RPS6KA2: variants seen among roughly 807,000 people sequenced by gnomAD.
RPS6KA2 encodes ribosomal protein S6 kinase alpha-2.
In RPS6KA2, 42 loss-of-function variants were observed where a neutral mutation model predicts 91.8. That is an observed-to-expected ratio of 0.46 (90% CI 0.36 to 0.59). The LOEUF (loss-of-function observed/expected upper bound fraction) is 0.59, where lower values mean the gene tolerates loss of function less well. Ranked by LOEUF, RPS6KA2 falls within the 20% of genes least tolerant of loss-of-function variation. The pLI, the probability that RPS6KA2 is intolerant of heterozygous loss-of-function variation, is 0.00. For synonymous variants in RPS6KA2, 414 were observed against 393.6 expected, an observed-to-expected ratio of 1.05 and a Z score of -0.61; for missense variants, 798 against 978.5, an observed-to-expected ratio of 0.82 and a Z score of 2.46.
intron 10 of RPS6KA2, 104 bp from the exon 11 acceptor site, chr6:166,470,009 C>T (rs914500891): frequency 1.3e-5 from 13 of 1,039,762 alleles, no homozygotes; most frequent in Middle Eastern, 2.0e-4. Flanking sequence ...GAGGTGGGGC[C>T]GTGGGAAGGA....
chr6:166,513,317 G>C (rs1782534391), intron 3 of RPS6KA2, among the ~76,000 whole-genome samples: 1 of 152,158 alleles, frequency 6.6e-6, no homozygotes, highest in Non-Finnish European at 1.5e-5. Context: ...GGTCCTCGCA[G>C]TTCCTAATCC....
chr6:166,696,761 A>AC (rs2128573576), intron 2 of RPS6KA2, among the ~76,000 whole-genome samples: 1 of 152,288 alleles, frequency 6.6e-6, no homozygotes, highest in African/African-American at 2.4e-5. Context: ...CAGAAAAGCC[A>AC]ACTCCCCCAC....
chr6:166,717,608 G>T (rs1790048593), intron 2 of RPS6KA2, among the ~76,000 whole-genome samples: 1 of 152,206 alleles, frequency 6.6e-6, no homozygotes, highest in Non-Finnish European at 1.5e-5. Context: ...GCAGCGTGGG[G>T]TTGGAAGGGA....
In RPS6KA2 at chr6:166,603,357, A is replaced by C. The variant is rs1347478849; in HGVS notation, c.99+23564T>G. Among the ~76,000 whole-genome samples, 1 of 152,180 alleles carries C rather than the reference A, an allele frequency of 6.6e-6. No homozygotes were observed. The highest frequency in any genetic ancestry group is 2.4e-5 in the African/African-American group (1 of 41,438). On this transcript the variant is annotated intron_variant, in intron 1 of 20. Coordinates refer to ENST00000265678, the MANE Select transcript of RPS6KA2 (RefSeq NM_021135.6). The surrounding 1 kb of genome is among the most constrained non-coding windows in gnomAD (Gnocchi z 4.3). ...CTTAGCATAATTAAACCAGGAACTC[A>C]GCGCAGCCTCAGAGTGCGTGGGGTG...
chr6:166,787,883 A>G (rs1199952676), intron 2 of RPS6KA2, among the ~76,000 whole-genome samples: 1 of 151,612 alleles, frequency 6.6e-6, no homozygotes, highest in African/African-American at 2.4e-5. Context: ...CAGACTGAAC[A>G]GGCAACCTAA....
rs182949186 is a variant in RPS6KA2 at position 166,542,818 on chromosome 6, T to C, written c.100-4034A>G. On this transcript the variant is annotated intron_variant, in intron 1 of 20. Coordinates refer to ENST00000265678, the MANE Select transcript of RPS6KA2 (RefSeq NM_021135.6). ...TCCTCTGCTCTGAATCACCTGCTCTTCATGTCATTAAAGGGATAATATTTA... is the reference window on the plus strand; with the variant it reads ...TCCTCTGCTCTGAATCACCTGCTCTCCATGTCATTAAAGGGATAATATTTA... Among the ~76,000 whole-genome samples, 1,408 of 152,292 alleles carry C rather than the reference T, an allele frequency of 9.2e-3. 69 individuals are homozygous for C. The highest frequency in any genetic ancestry group is 0.083 in the Admixed American group (1,273 of 15,296).
At chr6:166,813,643 G>A (rs1321978328) in intron 2 of RPS6KA2, among the ~76,000 whole-genome samples, 4 of 152,066 alleles carry the variant, frequency 2.6e-5, no homozygotes, top group African/African-American at 4.8e-5. Flanking sequence ...GTGTTGCTGG[G>A]AATCCCCAGG....
chr6:166,680,815 A>C (rs895467790), intron 2 of RPS6KA2, among the ~76,000 whole-genome samples: 7 of 152,220 alleles, frequency 4.6e-5, no homozygotes, highest in Non-Finnish European at 8.8e-5. Context: ...TCTTGAAGTC[A>C]GGGAGACCGA....
chr6:166,427,150 T>C (rs1314372487), intron 16 of RPS6KA2, among the ~76,000 whole-genome samples: 4 of 152,200 alleles, frequency 2.6e-5, no homozygotes, highest in African/African-American at 9.6e-5. Flanking sequence ...GTTCAACATA[T>C]GCAAATCAAT....
rs1344305405 is a variant in RPS6KA2 at position 166,490,153 on chromosome 6, G to A, written c.818+518C>T. 3.9e-5 allele frequency among the ~76,000 whole-genome samples: 6 copies of A among 152,182 alleles called. No homozygotes were observed. The highest frequency in any genetic ancestry group is 1.3e-4 in the Admixed American group (2 of 15,280). On this transcript the variant is annotated intron_variant, in intron 9 of 20. Transcript: ENST00000265678. The surrounding 1 kb of genome is among the most constrained non-coding windows in gnomAD (Gnocchi z 4.2). ...TTAAGCAGAAAATGGTTTGTATCCA[G>A]TCACATGGTAAAACGATACCGAGTC...
At chr6:166,834,132 C>T (rs532918911) in intron 2 of RPS6KA2, among the ~76,000 whole-genome samples, 3 of 152,294 alleles carry the variant, frequency 2.0e-5, no homozygotes, top group Admixed American at 1.3e-4. Flanking sequence ...AAAGTAGCTG[C>T]GTCATTTTGC....
intron 2 of RPS6KA2, among the ~76,000 whole-genome samples, chr6:166,762,605 G>A (rs1778207807): frequency 6.6e-6 from 1 of 152,158 alleles, no homozygotes; most frequent in South Asian, 2.1e-4. Context: ...GTTACAACCT[G>A]CTGTGCACCA....
chr6:166,800,204 G>A (rs548229808), intron 2 of RPS6KA2, among the ~76,000 whole-genome samples: 1 of 152,316 alleles, frequency 6.6e-6, no homozygotes, highest in Admixed American at 6.5e-5. Flanking sequence ...AGTACCCTCT[G>A]GGGCAATTAG....
chr6:166,584,720 A>G (rs1165392744), intron 1 of RPS6KA2, among the ~76,000 whole-genome samples: 1 of 152,226 alleles, frequency 6.6e-6, no homozygotes, highest in Non-Finnish European at 1.5e-5. Flanking sequence ...TAACGGAAAC[A>G]AAGGAGCTAC....
At chr6:166,504,720 G>C in intron 5 of RPS6KA2, 108 bp from the exon 6 acceptor site, 1 of 743,590 alleles carries the variant, frequency 1.3e-6, no homozygotes, top group African/African-American at 1.8e-5. Context: ...ACTGGGGTCA[G>C]TTTGCTCTGT....
At chr6:166,417,538 C>A (rs1778575624) in intron 19 of RPS6KA2, among the ~76,000 whole-genome samples, 1 of 152,086 alleles carries the variant, frequency 6.6e-6, no homozygotes. Context: ...GGGCTCCAGC[C>A]TGCCGGCTGC....
At chr6:166,685,430 T>C (rs778143828) in intron 2 of RPS6KA2, among the ~76,000 whole-genome samples, 3 of 152,228 alleles carry the variant, frequency 2.0e-5, no homozygotes, top group Non-Finnish European at 2.9e-5. Context: ...TCTATCACTG[T>C]CCATCCCACT....
rs568837802 is a variant in RPS6KA2 at position 166,492,818 on chromosome 6, C to T, written c.748-2077G>A. Among the ~76,000 whole-genome samples, 99 of 150,812 alleles carry T rather than the reference C, an allele frequency of 6.6e-4. 1 individual carries two copies. In the South Asian group the frequency reaches 0.015, roughly 23 times the overall value. ...GCAACCTCCGCCTCCTGGGTTCAAG[C>T]GATTCTCCTGTCTCCACCTCCCGAG... On this transcript the variant is annotated intron_variant, in intron 8 of 20. Coordinates refer to ENST00000265678, the MANE Select transcript of RPS6KA2 (RefSeq NM_021135.6).
At chr6:166,565,416 GC>G (rs1784469625) in intron 1 of RPS6KA2, among the ~76,000 whole-genome samples, 1 of 152,268 alleles carries the variant, frequency 6.6e-6, no homozygotes, top group South Asian at 2.1e-4. Context: ...CAAAGCCTGT[GC>G]TGGGATGCAG....
Sources: allele counts gnomAD v4.1 joint callset (sites outside exome capture counted in the v4.1 genomes callset), GRCh38; gene constraint gnomAD v4.1.1; non-coding constraint Gnocchi (gnomAD v3.1); transcripts MANE v1.5; gene names NCBI Gene and HGNC (gene_info 2026-07-23, HGNC 2026-07-21).